The following TM4SF4 variants were observed in gnomAD, a reference collection of about 807,000 sequenced individuals.
TM4SF4 encodes transmembrane 4 L6 family member 4.
Under a neutral mutation model 24.1 loss-of-function variants are expected in TM4SF4, and 24 were observed. The observed-to-expected ratio is 1.00, with a 90% confidence interval of 0.72 to 1.40. TM4SF4 has a LOEUF of 1.40. Ranked by LOEUF, TM4SF4 falls within the 40% of genes most tolerant of loss-of-function variation. TM4SF4 has a pLI of 0.00. For synonymous variants in TM4SF4, 113 were observed against 97.0 expected, an observed-to-expected ratio of 1.17 and a Z score of -0.97; for missense variants, 254 against 254.2, an observed-to-expected ratio of 1.00 and a Z score of 0.01.
rs981794170 is a variant in TM4SF4 at position 149,481,684 on chromosome 3, A to G, written c.264+5772A>G. On this transcript the variant is annotated intron_variant, in intron 2 of 4. Transcript: ENST00000305354. ...CACACCATGTGTGGAGACAGCTGGGATCTGATGGTACCTGTCTGTCTCCAG... is the reference window on the plus strand; with the variant it reads ...CACACCATGTGTGGAGACAGCTGGGGTCTGATGGTACCTGTCTGTCTCCAG... Among the ~76,000 whole-genome samples the G allele has an allele frequency of 2.6e-5, 4 of 152,176 alleles. No homozygotes were observed. The South Asian group carries it at 8.3e-4, about 32-fold the overall frequency.
Position 149,474,704 on chromosome 3 carries a change from A to G in TM4SF4, c.-174A>G. Reference sequence around the variant, plus strand: ...TGCCATCGAGGTTCTGCTATTTTTGAGAAGCTGAAGCAACTCCAAGGACAC... The same window carrying G: ...TGCCATCGAGGTTCTGCTATTTTTGGGAAGCTGAAGCAACTCCAAGGACAC... On this transcript the variant is annotated 5_prime_UTR_variant, in exon 1 of 5. Transcript: ENST00000305354. 1 of 594,722 alleles carries G rather than the reference A, an allele frequency of 1.7e-6. No homozygotes were observed. The highest frequency in any genetic ancestry group is 2.8e-6 in the Non-Finnish European group (1 of 353,896). The allele number at this position is 594,722 out of a possible 1,614,324, so 36.8% of individuals were successfully genotyped here.
At chr3:149,481,866 G>A (rs1214346878) in intron 2 of TM4SF4, among the ~76,000 whole-genome samples, 1 of 152,270 alleles carries the variant, frequency 6.6e-6, no homozygotes, top group Non-Finnish European at 1.5e-5. Flanking sequence ...CTGAGCAGCT[G>A]CGAGGGAATT....
chr3:149,499,271 G>T (rs998722897), intron 4 of TM4SF4, among the ~76,000 whole-genome samples: 2 of 152,154 alleles, frequency 1.3e-5, no homozygotes, highest in Non-Finnish European at 2.9e-5. Context: ...TGTCATATGG[G>T]TACAGTGTCA....
intron 3 of TM4SF4, among the ~76,000 whole-genome samples, chr3:149,490,905 G>C (rs567170118): frequency 3.3e-5 from 5 of 152,196 alleles, no homozygotes; most frequent in South Asian, 2.1e-4. Context: ...TCTTCTTCTT[G>C]TTCTTGTTCT....
chr3:149,495,367 G>A (rs1734292108), intron 3 of TM4SF4: 1 of 314,604 alleles, frequency 3.2e-6, no homozygotes, highest in South Asian at 3.2e-5. Context: ...TCATCCAACC[G>A]ACAAGCCCTT....
intron 3 of TM4SF4, chr3:149,495,633 G>C (rs766371537): frequency 1.2e-5 from 4 of 335,126 alleles, no homozygotes; most frequent in Non-Finnish European, 2.4e-5. Context: ...AATGGGAGCA[G>C]CTGGCTTCAC....
At position 149,487,729 on chromosome 3, in the gene TM4SF4, T is replaced by C; in HGVS notation, c.375T>C (p.Ser125=). ...GTCCTAAATGCCTCATGGCCAATAGTACATGGGGCTACCCCTTCCACGACG... is the reference window on the plus strand; with the variant it reads ...GTCCTAAATGCCTCATGGCCAATAGCACATGGGGCTACCCCTTCCACGACG... ...NKGPKCLMAN[S]TWGYPFHDGD... is the part of the protein sequence containing the mutation. Residue 125 remains serine, a synonymous_variant, in exon 3 of 5, where the codon AGT becomes AGC. Transcript: ENST00000305354. The C allele has an allele frequency of 6.2e-7, 1 of 1,614,016 alleles. No individual in the cohort carries two copies. The highest frequency in any genetic ancestry group is 8.5e-7 in the Non-Finnish European group (1 of 1,179,882).
At chr3:149,499,633 A>T (rs982695107) in intron 4 of TM4SF4, among the ~76,000 whole-genome samples, 1 of 152,130 alleles carries the variant, frequency 6.6e-6, no homozygotes, top group African/African-American at 2.4e-5. Context: ...TAACTGGGGG[A>T]TTATGTAAAT....
chr3:149,487,795 G>A (rs62272021), intron 3 of TM4SF4, 40 bp downstream of exon 3: 20,756 of 1,603,622 alleles, frequency 0.013, 338 homozygotes, highest in South Asian at 0.039. Flanking sequence ...TCACCACAAG[G>A]GGCATGGGCA....
rs1248123943 is a variant in TM4SF4, at chr3:149,502,813, A to G, written c.*120A>G. On this transcript the variant is annotated 3_prime_UTR_variant, in exon 5 of 5. Coordinates refer to ENST00000305354, the MANE Select transcript of TM4SF4 (RefSeq NM_004617.4). ...GCTTCCTAGCTGATAAAGCTTAGAA[A>G]AGGCAGTTATTCCTTCTTTCCAACC... 6.8e-6 allele frequency: 5 copies of G among 735,724 alleles called. No individual in the cohort carries two copies. In the African/African-American group the frequency reaches 8.9e-5, roughly 13 times the overall value. 45.6% of individuals were successfully genotyped at this position (735,724 alleles called of 1,614,324 possible).
rs377282398 is a variant in TM4SF4 at position 149,475,911 on chromosome 3, C to T, written c.263C>T (p.Ala88Val). ...CGNEGCGKRF[A>V]MFTSTIFAVV... is the part of the protein sequence containing the mutation. ...AACGAGGGCTGTGGGAAGCGATTTG[C>T]GGTGAGTTACCATGGGGGGCAGCTA... is the stretch of plus-strand genomic sequence containing the variant. The change falls in exon 2 of 5, where the codon GCG (alanine) becomes GTG (valine). Residue 88 changes from alanine (A) to valine (V), a missense_variant and splice_region_variant. By Grantham distance (64) the Ala-to-Val change is moderately conservative (BLOSUM62 0). Transcript: ENST00000305354. 31 of 1,609,752 alleles carry T rather than the reference C, an allele frequency of 1.9e-5. No individual in the cohort carries two copies. The highest frequency in any genetic ancestry group is 6.7e-5 in the African/African-American group (5 of 74,822).
In TM4SF4 at chr3:149,474,844, T is replaced by A. The variant is rs753301706; in HGVS notation, c.-34T>A. On this transcript the variant is annotated 5_prime_UTR_variant, in exon 1 of 5. Transcript: ENST00000305354. ...CCCCGTGAAGGAGGCAGTGAGGAGCTTTTGATTGCTGACCTGTGTCGTACC... is the reference window on the plus strand; with the variant it reads ...CCCCGTGAAGGAGGCAGTGAGGAGCATTTGATTGCTGACCTGTGTCGTACC... 1.9e-6 allele frequency: 3 copies of A among 1,576,068 alleles called. No homozygotes were observed. The highest frequency in any genetic ancestry group is 2.6e-6 in the Non-Finnish European group (3 of 1,163,684).
rs1228652637 is a variant in TM4SF4, at chr3:149,502,770, AATT to A, written c.*82_*84del. 12 of 1,073,476 alleles carry A rather than the reference AATT, an allele frequency of 1.1e-5. No individual in the cohort carries two copies. The African/African-American group carries it at 1.6e-4, about 14-fold the overall frequency. 66.5% of individuals were successfully genotyped at this position (1,073,476 alleles called of 1,614,324 possible). A position where few individuals can be genotyped will look rare whatever the true frequency, so the allele number is the denominator to read the frequency against. ...TTCATAAAACTTCTTCTCTTCTTGG[AATT>A]ATTAATTCCTATCTGCTTCCTAGCT... On this transcript the variant is annotated 3_prime_UTR_variant, in exon 5 of 5. Coordinates refer to ENST00000305354, the MANE Select transcript of TM4SF4 (RefSeq NM_004617.4).
intron 3 of TM4SF4, 32 bp from the exon 4 acceptor site, chr3:149,498,690 A>C (rs980253346): frequency 1.2e-6 from 2 of 1,604,294 alleles, no homozygotes; most frequent in Middle Eastern, 1.7e-4. Flanking sequence ...ACTTTTTACA[A>C]ATGTTTCCTT....
At chr3:149,482,866 G>T (rs1434069453) in intron 2 of TM4SF4, among the ~76,000 whole-genome samples, 1 of 152,154 alleles carries the variant, frequency 6.6e-6, no homozygotes. Context: ...AACATTTTGT[G>T]TCATGAAACC....
chr3:149,500,077 T>C (rs72615630), intron 4 of TM4SF4, among the ~76,000 whole-genome samples: 56,333 of 151,958 alleles, frequency 0.37, 11,048 homozygotes, highest in East Asian at 0.57. Flanking sequence ...CTTATATAGC[T>C]TGTCACAGTA....
At position 149,498,893 on chromosome 3, in the gene TM4SF4, G is replaced by A. The variant is rs1206404870; in HGVS notation, c.573G>A (p.Gln191=). ...TGGGGACCCTCTGTGGGGACTGCCA[G>A]TGTTGTGGCTGCTGTGGGGTAAGTT... The part of the protein sequence containing the change: ...GLLGTLCGDC[Q]CCGCCGGDGP... Residue 191 remains glutamine, a synonymous_variant, in exon 4 of 5, where the codon CAG becomes CAA. Transcript: ENST00000305354. The A allele has an allele frequency of 6.2e-7, 1 of 1,613,950 alleles. No individual in the cohort carries two copies. The highest frequency in any genetic ancestry group is 1.7e-5 in the Admixed American group (1 of 60,028).
At chr3:149,492,973 T>C (rs1315368330) in intron 3 of TM4SF4, among the ~76,000 whole-genome samples, 1 of 152,180 alleles carries the variant, frequency 6.6e-6, no homozygotes, top group Non-Finnish European at 1.5e-5. Flanking sequence ...GCCACACCTC[T>C]GCCATATACC....
intron 3 of TM4SF4, chr3:149,495,398 C>T: frequency 3.0e-6 from 1 of 337,914 alleles, no homozygotes; most frequent in Non-Finnish European, 6.0e-6. Flanking sequence ...CTCCAGATGT[C>T]TACAAAGTTG....
Sources: gnomAD v4.1 joint callset for allele counts (sites outside exome capture counted in the v4.1 genomes callset) on GRCh38, gnomAD v4.1.1 for gene constraint, MANE v1.5 for transcripts, NCBI Gene and HGNC (gene_info 2026-07-23, HGNC 2026-07-21) for gene names.